Variants in GNAT3 observed in about 807,000 individuals in gnomAD.
GNAT3 encodes the protein guanine nucleotide-binding protein G(t) subunit alpha-3.
In GNAT3, 31 loss-of-function variants were observed where a neutral mutation model predicts 37.7. The ratio of observed to expected loss-of-function variants is 0.82; its 90% confidence interval spans 0.62 to 1.11. The LOEUF (loss-of-function observed/expected upper bound fraction) is 1.11, where lower values mean the gene tolerates loss of function less well. GNAT3 is among the 50% of genes most tolerant of loss of function. The probability of loss-of-function intolerance (pLI) is 0.00; values close to 1 mark genes in which losing one functional copy is unlikely to be tolerated. For synonymous variants in GNAT3, 138 were observed against 139.8 expected (o/e 0.99, Z 0.09); for missense variants, 437 against 412.5 (o/e 1.06, Z -0.51).
chr7:80,512,010 G>T lies in GNAT3; in HGVS notation c.-84C>A. ...GCTGTGGTTTGGACATAGGAGGCAA[G>T]AGTAATGCTCTGCTGAAGTACCTAG... On this transcript the variant is annotated 5_prime_UTR_variant, in exon 1 of 8. Coordinates refer to ENST00000398291, the MANE Select transcript of GNAT3 (RefSeq NM_001102386.3). The T allele has an allele frequency of 1.1e-6, 1 of 877,596 alleles. No individual in the cohort carries two copies. Among genetic ancestry groups the T allele is most frequent in the South Asian group, 1.4e-5 (1 of 69,730 alleles). The allele number at this position is 877,596 out of a possible 1,614,324, so 54.4% of individuals were successfully genotyped here.
intron 5 of GNAT3, 72 bp from the exon 6 acceptor site, chr7:80,462,703 AGAGG>A: frequency 8.0e-7 from 1 of 1,245,988 alleles, no homozygotes; most frequent in Middle Eastern, 1.9e-4. Context: ...GTTAACATTT[AGAGG>A]TATAAATGGG....
intron 3 of GNAT3, among the ~76,000 whole-genome samples, chr7:80,485,848 T>C (rs994872884): frequency 4.6e-5 from 7 of 152,096 alleles, no homozygotes; most frequent in Non-Finnish European, 1.5e-5. Context: ...TAATAGTCAT[T>C]GTAACTCAAG....
intron 2 of GNAT3, among the ~76,000 whole-genome samples, chr7:80,492,504 A>G (rs1055878301): frequency 1.1e-4 from 17 of 152,026 alleles, no homozygotes; most frequent in African/African-American, 4.1e-4. Context: ...TAATATTGCA[A>G]TTGAAGAATG....
intron 5 of GNAT3, among the ~76,000 whole-genome samples, chr7:80,473,521 T>C (rs1399466576): frequency 6.6e-6 from 1 of 152,148 alleles, no homozygotes; most frequent in Non-Finnish European, 1.5e-5. Flanking sequence ...ATTAGTTATA[T>C]TTTTATTGAT....
intron 2 of GNAT3, among the ~76,000 whole-genome samples, chr7:80,490,592 T>C (rs2116196260): frequency 6.6e-6 from 1 of 152,300 alleles, no homozygotes; most frequent in South Asian, 2.1e-4. Flanking sequence ...AGAATCATTG[T>C]AGGAAGAAAG....
In GNAT3 at chr7:80,505,280, T is replaced by A. The variant is rs188375604; in HGVS notation, c.118+6529A>T. On this transcript the variant is annotated intron_variant, in intron 1 of 7. Coordinates refer to ENST00000398291, the MANE Select transcript of GNAT3 (RefSeq NM_001102386.3). ...CTGGCCCTGTTTAAAAGGAAGTAGA[T>A]TAAATCAGACAACTAATTCACTAAA... Among the ~76,000 whole-genome samples, 4 of 152,286 alleles carry A rather than the reference T, an allele frequency of 2.6e-5. No individual in the cohort carries two copies. The East Asian group carries it at 7.7e-4, about 29-fold the overall frequency.
chr7:80,492,873 T>C (rs1166070495), intron 2 of GNAT3, among the ~76,000 whole-genome samples: 1 of 151,770 alleles, frequency 6.6e-6, no homozygotes, highest in Non-Finnish European at 1.5e-5. Context: ...CAATGAAAAA[T>C]TACCTCATTA....
intron 1 of GNAT3, among the ~76,000 whole-genome samples, chr7:80,510,622 A>G (rs1328448898): frequency 6.6e-6 from 1 of 152,082 alleles, no homozygotes; most frequent in East Asian, 1.9e-4. Flanking sequence ...CTTAACCCAC[A>G]TCTTTCAAAG....
At chr7:80,474,110 G>C (rs1272941773) in intron 5 of GNAT3, 141 bp downstream of exon 5, 1 of 722,690 alleles carries the variant, frequency 1.4e-6, no homozygotes, top group East Asian at 2.9e-5. Context: ...GTAAAGGACA[G>C]CGGTACTGAA....
chr7:80,462,445 T>C (rs1304407094), intron 6 of GNAT3, 57 bp downstream of exon 6: 12 of 1,593,782 alleles, frequency 7.5e-6, no homozygotes, highest in Non-Finnish European at 1.0e-5. Context: ...GTGGTAGTAC[T>C]ACTGAAAAGC....
At position 80,474,281 on chromosome 7, in the gene GNAT3, G is replaced by A. The variant is rs771442181; in HGVS notation, c.560C>T (p.Thr187Ile). The change falls in exon 5 of 8, where the codon ACT becomes ATT. Residue 187 changes from threonine to isoleucine, a missense_variant. Physicochemically the swap from Thr to Ile is moderately conservative, Grantham distance 89 (BLOSUM62 -1). Coordinates refer to ENST00000398291, the MANE Select transcript of GNAT3 (RefSeq NM_001102386.3). ...GTGCAAGTCTTTAAAGGAGAATTGA[G>A]TTTCAATGATTCCAGTCGTTTTCAC... ...SRVKTTGIIE[T>I]QFSFKDLHFR... The A allele has an allele frequency of 6.2e-7, 1 of 1,600,796 alleles. No homozygotes were observed. Among genetic ancestry groups the A allele is most frequent in the South Asian group, 1.1e-5 (1 of 88,796 alleles).
chr7:80,458,922 T>C (rs1375418306), intron 7 of GNAT3, 61 bp from the exon 8 acceptor site: 4 of 1,123,604 alleles, frequency 3.6e-6, no homozygotes, highest in Admixed American at 3.2e-5. Flanking sequence ...GAATAGGCTA[T>C]AAATAATATC....
intron 1 of GNAT3, among the ~76,000 whole-genome samples, chr7:80,497,784 T>G (rs1348814727): frequency 1.3e-5 from 2 of 151,842 alleles, no homozygotes; most frequent in Non-Finnish European, 2.9e-5. Flanking sequence ...TGTTTAATGT[T>G]GTATTTTGTT....
chr7:80,481,099 A>G (rs1790384869), intron 3 of GNAT3, among the ~76,000 whole-genome samples: 1 of 152,142 alleles, frequency 6.6e-6, no homozygotes, highest in East Asian at 1.9e-4. Context: ...TGTTCTTTGT[A>G]TAAAAAATAA....
chr7:80,458,833 G>C lies in GNAT3; in HGVS notation c.903C>G (p.Asn301Lys). Residue 301 changes from asparagine (N) to lysine (K), a missense_variant, in exon 8 of 8, where the codon AAC becomes AAG. Coordinates refer to ENST00000398291, the MANE Select transcript of GNAT3 (RefSeq NM_001102386.3). ...TGPNTFEDAG[N>K]YIKNQFLDLN... Reference sequence around the variant, plus strand: ...GGTCTAGAAACTGGTTCTTGATGTAGTTTCCTGCATCTTCAAATGTATTTG... The same window carrying C: ...GGTCTAGAAACTGGTTCTTGATGTACTTTCCTGCATCTTCAAATGTATTTG... 1 of 1,589,306 alleles carries C rather than the reference G, an allele frequency of 6.3e-7. No homozygotes were observed. Among genetic ancestry groups the C allele is most frequent in the Non-Finnish European group, 8.6e-7 (1 of 1,169,480 alleles).
intron 7 of GNAT3, 41 bp downstream of exon 7, chr7:80,462,118 C>G: frequency 7.9e-7 from 1 of 1,269,996 alleles, no homozygotes; most frequent in Non-Finnish European, 1.1e-6. Context: ...TATATTTATA[C>G]AAAAATTTAT....
chr7:80,474,671 C>T (rs1790276463), intron 4 of GNAT3, among the ~76,000 whole-genome samples: 2 of 152,088 alleles, frequency 1.3e-5, no homozygotes, highest in South Asian at 4.1e-4. Flanking sequence ...TGACCCCCAG[C>T]GTCCTCTTCT....
intron 1 of GNAT3, among the ~76,000 whole-genome samples, chr7:80,502,474 T>G (rs548603737): frequency 6.6e-6 from 1 of 152,246 alleles, no homozygotes; most frequent in Non-Finnish European, 1.5e-5. Context: ...GTTCATTAAT[T>G]GTGGGAATAG....
At chr7:80,503,785 G>A (rs1790880386) in intron 1 of GNAT3, among the ~76,000 whole-genome samples, 1 of 152,126 alleles carries the variant, frequency 6.6e-6, no homozygotes, top group South Asian at 2.1e-4. Context: ...CAGATACAAG[G>A]AATTTATGAA....
Sources: gnomAD v4.1 joint callset for allele counts (sites outside exome capture counted in the v4.1 genomes callset) on GRCh38, gnomAD v4.1.1 for gene constraint, MANE v1.5 for transcripts, NCBI Gene and HGNC (gene_info 2026-07-23, HGNC 2026-07-21) for gene names.